Variants in RASGRF2 observed in about 807,000 individuals in gnomAD.
The protein encoded by RASGRF2 is ras-specific guanine nucleotide-releasing factor 2.
In RASGRF2, 76 loss-of-function variants were observed where a neutral mutation model predicts 151.0. That is an observed-to-expected ratio of 0.50 (90% CI 0.42 to 0.61). RASGRF2 has a LOEUF of 0.61. Among genes scored for constraint, RASGRF2 ranks in the 20% least tolerant of loss-of-function variants. The pLI, the probability that RASGRF2 is intolerant of heterozygous loss-of-function variation, is 0.00. For missense variants in RASGRF2, 1,148 were observed against 1,564.6 expected (o/e 0.73, Z 4.49); for synonymous variants, 504 against 566.5 (o/e 0.89, Z 1.57).
intron 2 of RASGRF2, among the ~76,000 whole-genome samples, chr5:81,067,384 A>G (rs936021696): frequency 4.6e-5 from 7 of 152,236 alleles, no homozygotes; most frequent in Non-Finnish European, 1.0e-4. Context: ...TTGTTTTACC[A>G]TACTTGACCA....
chr5:81,002,612 T>C (rs1009240108), intron 1 of RASGRF2, among the ~76,000 whole-genome samples: 1 of 152,252 alleles, frequency 6.6e-6, no homozygotes, highest in Admixed American at 6.5e-5. Flanking sequence ...AAAGCCATTT[T>C]TGCTGTGCCT....
In RASGRF2 at chr5:81,094,893, T is replaced by A; in HGVS notation, c.1656T>A (p.Phe552Leu). ...GSGQVFGHLD[F>L]KIVVEPPDAA... ...GGCAAGTGTTTGGGCACCTGGATTT[T>A]AAAATAGTGGTGGAGCCTCCTGACG... Residue 552 changes from phenylalanine (F) to leucine (L), a missense_variant, in exon 12 of 27, where the codon TTT becomes TTA. By Grantham distance (22) the Phe-to-Leu change is conservative (BLOSUM62 0). Coordinates refer to ENST00000265080, the MANE Select transcript of RASGRF2 (RefSeq NM_006909.3). 2 of 1,604,016 alleles carry A rather than the reference T, an allele frequency of 1.2e-6. No homozygotes were observed. Among genetic ancestry groups the A allele is most frequent in the South Asian group, 1.1e-5 (1 of 90,692 alleles).
chr5:81,218,597 G>A (rs1755795480), intron 25 of RASGRF2, among the ~76,000 whole-genome samples: 2 of 152,272 alleles, frequency 1.3e-5, no homozygotes, highest in Middle Eastern at 6.8e-3. Context: ...TTTGGTGACT[G>A]TGGCCTTATA....
At chr5:81,108,880 G>GTGT in intron 12 of RASGRF2, 116 bp from the exon 13 acceptor site, 11 of 1,200,172 alleles carry the variant, frequency 9.2e-6, no homozygotes, top group Non-Finnish European at 1.1e-5. Context: ...GTGTGTGTGT[G>GTGT]TAAGAGACAG....
intron 18 of RASGRF2, among the ~76,000 whole-genome samples, chr5:81,193,398 T>C (rs566914346): frequency 6.6e-6 from 1 of 152,316 alleles, no homozygotes; most frequent in East Asian, 1.9e-4. Context: ...CAGATCCCCG[T>C]CTCAAATGGT....
At chr5:80,976,697 C>A (rs1489455281) in intron 1 of RASGRF2, among the ~76,000 whole-genome samples, 1 of 152,294 alleles carries the variant, frequency 6.6e-6, no homozygotes, top group East Asian at 1.9e-4. Flanking sequence ...CCCAGCTCCA[C>A]AAGGTGCCTG....
rs1388306378 is a variant in RASGRF2, at chr5:81,080,590, T to C, written c.968-6T>C. 3.1e-6 allele frequency: 5 copies of C among 1,611,548 alleles called. No homozygotes were observed. The highest frequency in any genetic ancestry group is 4.2e-6 in the Non-Finnish European group (5 of 1,178,256). ...GGAAACAGCCGTGTTTACTGTTTCT[T>C]TGCAGCTGATCTGTTTGATATTTTG... On this transcript the variant is annotated splice_region_variant and splice_polypyrimidine_tract_variant and intron_variant, in intron 6 of 26. Coordinates refer to ENST00000265080, the MANE Select transcript of RASGRF2 (RefSeq NM_006909.3).
chr5:81,052,373 C>T (rs189891359), intron 2 of RASGRF2, among the ~76,000 whole-genome samples: 122 of 152,248 alleles, frequency 8.0e-4, no homozygotes, highest in African/African-American at 2.6e-3. Context: ...AAAGGATTAT[C>T]GACAACTTTC....
chr5:81,188,639 CA>C (rs1221372472), intron 18 of RASGRF2, among the ~76,000 whole-genome samples: 1 of 152,194 alleles, frequency 6.6e-6, no homozygotes, highest in Non-Finnish European at 1.5e-5. Context: ...TACTTTATAT[CA>C]GACACTGTTT....
chr5:81,065,493 A>G (rs1010753082), intron 2 of RASGRF2, among the ~76,000 whole-genome samples: 5 of 152,182 alleles, frequency 3.3e-5, no homozygotes, highest in African/African-American at 1.2e-4. Context: ...TAGAGAAAGC[A>G]GACCTTGCAC....
At chr5:81,023,060 A>C (rs974338196) in intron 1 of RASGRF2, among the ~76,000 whole-genome samples, 2 of 128,920 alleles carry the variant, frequency 1.6e-5, no homozygotes, top group African/African-American at 5.8e-5. Flanking sequence ...AGACAAGAGA[A>C]GGAATAGTTG....
chr5:80,973,674 C>G (rs950827934), intron 1 of RASGRF2, among the ~76,000 whole-genome samples: 2 of 152,198 alleles, frequency 1.3e-5, no homozygotes, highest in Admixed American at 6.5e-5. Context: ...ATTTTCAAAA[C>G]AGGTCTCTAT....
chr5:81,037,112 T>A (rs561062), intron 1 of RASGRF2, among the ~76,000 whole-genome samples: 120,324 of 152,004 alleles, frequency 0.79, 48,075 homozygotes, highest in Middle Eastern at 0.92. Flanking sequence ...TCTCATGAGA[T>A]TTATTCACTA....
chr5:81,164,456 G>GAAA (rs5869074), intron 17 of RASGRF2, among the ~76,000 whole-genome samples: 2 of 147,368 alleles, frequency 1.4e-5, no homozygotes, highest in East Asian at 3.9e-4. Flanking sequence ...CACGTTTGAT[G>GAAA]AAAAAAAAAA....
chr5:81,033,095 G>A (rs1466915919), intron 1 of RASGRF2, among the ~76,000 whole-genome samples: 2 of 150,946 alleles, frequency 1.3e-5, no homozygotes, highest in African/African-American at 4.9e-5. Flanking sequence ...TACAAGGGAT[G>A]TGAAGGACCT....
At chr5:81,098,694 T>C (rs1448908109) in intron 12 of RASGRF2, among the ~76,000 whole-genome samples, 1 of 152,166 alleles carries the variant, frequency 6.6e-6, no homozygotes, top group Non-Finnish European at 1.5e-5. Flanking sequence ...GGAGTTTGAA[T>C]GGTGGGTGGG....
intron 1 of RASGRF2, among the ~76,000 whole-genome samples, chr5:81,008,763 C>T (rs1749359225): frequency 2.0e-5 from 3 of 152,104 alleles, no homozygotes; most frequent in Admixed American, 6.6e-5. Context: ...GAAATGAGAA[C>T]AGAAATGGCT....
chr5:81,153,087 ATATT>A (rs1164778228), intron 17 of RASGRF2, among the ~76,000 whole-genome samples: 1 of 152,254 alleles, frequency 6.6e-6, no homozygotes, highest in East Asian at 1.9e-4. Context: ...ACATTATGAA[ATATT>A]TATTTAACAC....
chr5:81,000,432 G>A (rs1018121131), intron 1 of RASGRF2, among the ~76,000 whole-genome samples: 3 of 152,126 alleles, frequency 2.0e-5, no homozygotes, highest in South Asian at 2.1e-4. Flanking sequence ...TAGTAGAGAC[G>A]GGGTTTCACC....
Sources: allele counts gnomAD v4.1 joint callset (sites outside exome capture counted in the v4.1 genomes callset), GRCh38; gene constraint gnomAD v4.1.1; transcripts MANE v1.5; gene names NCBI Gene and HGNC (gene_info 2026-07-23, HGNC 2026-07-21).